The following THUMPD3 variants were observed in gnomAD, a reference collection of about 807,000 sequenced individuals.
THUMPD3 encodes THUMP domain 3 tRNA guanosine methyltransferase.
A neutral mutation model predicts 54.5 loss-of-function variants in THUMPD3; 44 were observed. That is an observed-to-expected ratio of 0.81 (90% CI 0.63 to 1.04). The LOEUF (loss-of-function observed/expected upper bound fraction) is 1.04, where lower values mean the gene tolerates loss of function less well. Ranked by LOEUF, THUMPD3 falls within the 50% of genes least tolerant of loss-of-function variation. The pLI, the probability that THUMPD3 is intolerant of heterozygous loss-of-function variation, is 0.00. For missense variants in THUMPD3, 604 were observed against 601.3 expected (o/e 1.00, Z -0.05); for synonymous variants, 196 against 201.4 (o/e 0.97, Z 0.23).
In THUMPD3 at chr3:9,371,206, T is replaced by G. The variant is rs772153619; in HGVS notation, c.477T>G (p.Asn159Lys). The G allele has an allele frequency of 2.5e-6, 4 of 1,611,030 alleles. No homozygotes were observed. In the East Asian group the frequency reaches 8.9e-5, roughly 36 times the overall value. ...INQNSSKEKINNGQEVKIDQR... is the reference protein window; with the variant it reads ...INQNSSKEKIKNGQEVKIDQR... Reference sequence around the variant, plus strand: ...AGAATTCAAGTAAAGAGAAGATTAATAATGGACAAGAAGTCAAAATCGATC... The same window carrying G: ...AGAATTCAAGTAAAGAGAAGATTAAGAATGGACAAGAAGTCAAAATCGATC... The change falls in exon 4 of 10, where the codon AAT (asparagine) becomes AAG (lysine). Residue 159 changes from asparagine (N) to lysine (K), a missense_variant. By Grantham distance (94) the Asn-to-Lys change is moderately conservative. Coordinates refer to ENST00000452837, the MANE Select transcript of THUMPD3 (RefSeq NM_001114092.2).
In THUMPD3 at chr3:9,384,914, A is replaced by G; in HGVS notation, c.*226A>G. The G allele has an allele frequency of 1.8e-5, 9 of 505,864 alleles. No homozygotes were observed. The highest frequency in any genetic ancestry group is 2.8e-5 in the Non-Finnish European group (8 of 283,892). The allele number at this position is 505,864 out of a possible 1,614,324, so 31.3% of individuals were successfully genotyped here. On this transcript the variant is annotated 3_prime_UTR_variant, in exon 10 of 10. Transcript: ENST00000452837. ...TAATTCCAGCAGTTTAGGAAGCCGA[A>G]GTGTGCAGATCACCTGAGGTCCGGA... is the stretch of plus-strand genomic sequence containing the variant.
At chr3:9,372,295 G>A (rs1017407691) in intron 4 of THUMPD3, among the ~76,000 whole-genome samples, 1 of 152,154 alleles carries the variant, frequency 6.6e-6, no homozygotes, top group South Asian at 2.1e-4. Context: ...ATAAAATAAG[G>A]CTGGGCGCAG....
Position 9,384,772 on chromosome 3 carries a change from TGCA to T in THUMPD3, c.*86_*88del. On this transcript the variant is annotated 3_prime_UTR_variant, in exon 10 of 10. Transcript: ENST00000452837. ...GAGAGGAAAAAAGTATTAACAAAAC[TGCA>T]GTCTGCACTCTTTAAACCTGTTTAA... 1 of 1,494,252 alleles carries T rather than the reference TGCA, an allele frequency of 6.7e-7. No homozygotes were observed. Among genetic ancestry groups the T allele is most frequent in the Non-Finnish European group, 9.2e-7 (1 of 1,086,556 alleles). The allele number at this position is 1,494,252 out of a possible 1,614,324, so 92.6% of individuals were successfully genotyped here.
At chr3:9,381,985 A>G (rs544952055) in intron 7 of THUMPD3, among the ~76,000 whole-genome samples, 200 of 150,716 alleles carry the variant, frequency 1.3e-3, no homozygotes, top group Non-Finnish European at 2.1e-3. Context: ...GGTTTTCACC[A>G]TGTTAGCCAG....
intron 7 of THUMPD3, among the ~76,000 whole-genome samples, chr3:9,381,480 A>G (rs780253519): frequency 6.6e-6 from 1 of 152,162 alleles, no homozygotes; most frequent in South Asian, 2.1e-4. Flanking sequence ...CTCCAGGACA[A>G]TGCTGATGCT....
At chr3:9,381,380 A>G (rs149165921) in intron 7 of THUMPD3, among the ~76,000 whole-genome samples, 2 of 152,196 alleles carry the variant, frequency 1.3e-5, no homozygotes, top group Non-Finnish European at 1.5e-5. Flanking sequence ...TCAAACATTA[A>G]TGTACATGTG....
intron 3 of THUMPD3, among the ~76,000 whole-genome samples, chr3:9,367,234 A>G (rs2031637738): frequency 6.6e-6 from 1 of 152,256 alleles, no homozygotes; most frequent in African/African-American, 2.4e-5. Context: ...TGTAAGAGAT[A>G]TAAACCTTAG....
rs1335035162 is a variant in THUMPD3 at position 9,385,900 on chromosome 3, A to T, written c.*1212A>T. ...CCAGTTGCAACAAGTCCTTCTTGAGAGTTTTGTGGAAAATGGTGCTTCCCT... is the reference window on the plus strand; with the variant it reads ...CCAGTTGCAACAAGTCCTTCTTGAGTGTTTTGTGGAAAATGGTGCTTCCCT... On this transcript the variant is annotated 3_prime_UTR_variant, in exon 10 of 10. Coordinates refer to ENST00000452837, the MANE Select transcript of THUMPD3 (RefSeq NM_001114092.2). The T allele has an allele frequency of 1.3e-5, 2 of 152,210 alleles. No homozygotes were observed. Among genetic ancestry groups the T allele is most frequent in the Non-Finnish European group, 2.9e-5 (2 of 68,036 alleles). 9.4% of individuals were successfully genotyped at this position (152,210 alleles called of 1,614,324 possible). A position where few individuals can be genotyped will look rare whatever the true frequency, so the allele number is the denominator to read the frequency against.
chr3:9,364,868 G>C lies in THUMPD3; in HGVS notation c.-53-148G>C, dbSNP rs2031387387. Reference sequence around the variant, plus strand: ...CATCATGTTTTACAGCCTGCACTCTGTGCCCATGTTTATTCAACCCTTTTT... The same window carrying C: ...CATCATGTTTTACAGCCTGCACTCTCTGCCCATGTTTATTCAACCCTTTTT... On this transcript the variant is annotated intron_variant, in intron 1 of 9. Transcript: ENST00000452837. 5 of 590,006 alleles carry C rather than the reference G, an allele frequency of 8.5e-6. No individual in the cohort carries two copies. In the East Asian group the frequency reaches 1.4e-4, roughly 17 times the overall value. 36.5% of individuals were successfully genotyped at this position (590,006 alleles called of 1,614,324 possible). A position where few individuals can be genotyped will look rare whatever the true frequency, so the allele number is the denominator to read the frequency against.
intron 7 of THUMPD3, 49 bp downstream of exon 7, chr3:9,380,667 T>C (rs2032816101): frequency 1.5e-6 from 2 of 1,359,222 alleles, no homozygotes; most frequent in Non-Finnish European, 1.0e-6. Context: ...AGAGAATCAC[T>C]TTTTATATTG....
chr3:9,369,406 A>G (rs1441487923), intron 3 of THUMPD3, among the ~76,000 whole-genome samples: 1 of 151,848 alleles, frequency 6.6e-6, no homozygotes, highest in Non-Finnish European at 1.5e-5. Context: ...TATACGTTAT[A>G]CGTATAGCTT....
At chr3:9,371,865 G>A (rs1575063586) in intron 4 of THUMPD3, among the ~76,000 whole-genome samples, 1 of 152,268 alleles carries the variant, frequency 6.6e-6, no homozygotes, top group East Asian at 1.9e-4. Context: ...AGCCATCAAG[G>A]TTGAGTTGTC....
chr3:9,369,306 T>C, intron 3 of THUMPD3, among the ~76,000 whole-genome samples: 1 of 45,144 alleles, frequency 2.2e-5, no homozygotes, highest in South Asian at 1.2e-3. Flanking sequence ...CAAGACTCCG[T>C]CTCAAAAAAA....
intron 8 of THUMPD3, 152 bp from the exon 9 acceptor site, chr3:9,384,060 C>A: frequency 1.0e-6 from 1 of 983,826 alleles, no homozygotes; most frequent in Non-Finnish European, 1.5e-6. Flanking sequence ...ACTAACTCAA[C>A]TTATTTCATA....
Position 9,386,531 on chromosome 3 carries a change from C to A in THUMPD3, c.*1843C>A, listed in dbSNP as rs1000785466. Reference sequence around the variant, plus strand: ...ATCATAGCTTTAATTCTATTACATACTACAATAAAAATTTGACAAGACTGA... The same window carrying A: ...ATCATAGCTTTAATTCTATTACATAATACAATAAAAATTTGACAAGACTGA... On this transcript the variant is annotated 3_prime_UTR_variant, in exon 10 of 10. Transcript: ENST00000452837. The A allele has an allele frequency of 6.6e-6, 1 of 152,118 alleles. No homozygotes were observed. The highest frequency in any genetic ancestry group is 2.4e-5 in the African/African-American group (1 of 41,408). 9.4% of individuals were successfully genotyped at this position (152,118 alleles called of 1,614,324 possible).
At chr3:9,378,393 A>G (rs957771048) in intron 6 of THUMPD3, among the ~76,000 whole-genome samples, 1 of 152,248 alleles carries the variant, frequency 6.6e-6, no homozygotes, top group East Asian at 1.9e-4. Flanking sequence ...GAGAGGACTC[A>G]TAAAAACTGT....
rs1043172884 is a variant in THUMPD3 at position 9,384,686 on chromosome 3, T to C, written c.1522T>C (p.Ter508ArgextTer2). 10 of 1,614,044 alleles carry C rather than the reference T, an allele frequency of 6.2e-6. No individual in the cohort carries two copies. Among genetic ancestry groups the C allele is most frequent in the Non-Finnish European group, 6.8e-6 (8 of 1,180,036 alleles). ...AGGAACTCTTTGGCAATGCAAAGAA[T>C]GAAGATGACTAATAGTACTTGTACT... ...ERGTLWQCKE[*>R] The change falls in exon 10 of 10, where the codon TGA becomes CGA. Residue 508 changes from the stop codon to arginine (R), a stop_lost. Coordinates refer to ENST00000452837, the MANE Select transcript of THUMPD3 (RefSeq NM_001114092.2).
chr3:9,380,679 C>A, intron 7 of THUMPD3, 61 bp downstream of exon 7: 2 of 1,249,032 alleles, frequency 1.6e-6, no homozygotes, highest in Non-Finnish European at 2.3e-6. Flanking sequence ...TTTATATTGA[C>A]TTTATGAATT....
intron 6 of THUMPD3, among the ~76,000 whole-genome samples, chr3:9,378,405 T>C (rs1559308723): frequency 1.3e-5 from 2 of 152,212 alleles, no homozygotes; most frequent in African/African-American, 4.8e-5. Flanking sequence ...AAAAACTGTG[T>C]AAAGCAAAGC....
Sources: allele counts gnomAD v4.1 joint callset (sites outside exome capture counted in the v4.1 genomes callset), GRCh38; gene constraint gnomAD v4.1.1; transcripts MANE v1.5; gene names NCBI Gene and HGNC (gene_info 2026-07-23, HGNC 2026-07-21).